Variants in PDS5A observed in about 807,000 individuals in gnomAD.
The protein encoded by PDS5A is PDS5 cohesin associated factor A.
PDS5A carries 42 observed loss-of-function variants against 167.1 expected under a neutral mutation model. The ratio of observed to expected loss-of-function variants is 0.25; its 90% confidence interval spans 0.20 to 0.33. The LOEUF is 0.33. Among genes scored for constraint, PDS5A ranks in the 10% least tolerant of loss-of-function variants. PDS5A has a pLI of 1.00. For synonymous variants in PDS5A, 553 were observed against 554.6 expected, an observed-to-expected ratio of 1.00 and a Z score of 0.04; for missense variants, 1,033 against 1,605.9, an observed-to-expected ratio of 0.64 and a Z score of 6.10.
chr4:39,866,930 T>C lies in PDS5A; in HGVS notation c.2573A>G (p.Asn858Ser), dbSNP rs1030432270. The C allele has an allele frequency of 3.7e-6, 6 of 1,613,058 alleles. No homozygotes were observed. Among genetic ancestry groups the C allele is most frequent in the African/African-American group, 1.3e-5 (1 of 74,932 alleles). The change falls in exon 23 of 33, where the codon AAT becomes AGT. Residue 858 changes from asparagine (N) to serine (S), a missense_variant. Around this residue, in one of 4 missense-constraint regions of PDS5A, gnomAD observed 367 missense variants for 686.7 expected, o/e 0.53. Transcript: ENST00000303538. ...GMKNNQSKSA[N>S]STLRLLSAML... is the part of the protein sequence containing the mutation. ...CGCTGATAATAACCGAAGGGTTGAATTGGCAGATTTAGACTGGTTGTTTTT... is the reference window on the plus strand; with the variant it reads ...CGCTGATAATAACCGAAGGGTTGAACTGGCAGATTTAGACTGGTTGTTTTT...
chr4:39,950,088 G>C (rs563198076), intron 2 of PDS5A, among the ~76,000 whole-genome samples: 1 of 151,888 alleles, frequency 6.6e-6, no homozygotes, highest in Non-Finnish European at 1.5e-5. Context: ...TATGTTTTTA[G>C]TAGAGATGGG....
rs568647727 is a variant in PDS5A at position 39,824,750 on chromosome 4, T to G, written c.*735A>C. On this transcript the variant is annotated 3_prime_UTR_variant, in exon 33 of 33. Coordinates refer to ENST00000303538, the MANE Select transcript of PDS5A (RefSeq NM_001100399.2). ...AACAAACAACAATATGTACATTTATTGCAAATTATATTAAACTAAAATGAG... is the reference window on the plus strand; with the variant it reads ...AACAAACAACAATATGTACATTTATGGCAAATTATATTAAACTAAAATGAG... 1.3e-5 allele frequency: 2 copies of G among 152,796 alleles called. No individual in the cohort carries two copies. Among genetic ancestry groups the G allele is most frequent in the South Asian group, 4.1e-4 (2 of 4,830 alleles). 9.5% of individuals were successfully genotyped at this position (152,796 alleles called of 1,614,324 possible).
At chr4:39,828,851 T>A (rs1440145816) in intron 32 of PDS5A, among the ~76,000 whole-genome samples, 1 of 152,076 alleles carries the variant, frequency 6.6e-6, no homozygotes, top group Non-Finnish European at 1.5e-5. Context: ...CCGAAAATGA[T>A]CATCTAGGAA....
At chr4:39,854,486 C>T (rs541432174) in intron 26 of PDS5A, among the ~76,000 whole-genome samples, 2 of 152,244 alleles carry the variant, frequency 1.3e-5, no homozygotes, top group Admixed American at 6.5e-5. Flanking sequence ...TCCTCCAGGT[C>T]GTTTTCTGAT....
chr4:39,857,351 CAAAA>C (rs1188060445), intron 26 of PDS5A, among the ~76,000 whole-genome samples: 3 of 67,744 alleles, frequency 4.4e-5, no homozygotes, highest in Non-Finnish European at 9.3e-5. Flanking sequence ...GACTCCATCT[CAAAA>C]AAAAAAAAAA....
intron 2 of PDS5A, among the ~76,000 whole-genome samples, chr4:39,968,578 A>G (rs560637293): frequency 2.9e-4 from 44 of 151,596 alleles, no homozygotes; most frequent in African/African-American, 1.0e-3. Flanking sequence ...GATTACAGGC[A>G]TGCGCCACCA....
chr4:39,968,657 C>T (rs571376650), intron 2 of PDS5A, among the ~76,000 whole-genome samples: 83 of 151,726 alleles, frequency 5.5e-4, no homozygotes, highest in African/African-American at 1.9e-3. Context: ...GTCTCGAACT[C>T]CCGACCTCAG....
At chr4:39,923,203 C>A (rs1725151554) in intron 5 of PDS5A, among the ~76,000 whole-genome samples, 1 of 151,524 alleles carries the variant, frequency 6.6e-6, no homozygotes, top group South Asian at 2.1e-4. Context: ...TGGCGGGCAC[C>A]TGGAATTCCA....
chr4:39,839,087 C>A (rs1201505788), intron 31 of PDS5A, among the ~76,000 whole-genome samples: 1 of 152,032 alleles, frequency 6.6e-6, no homozygotes, highest in Non-Finnish European at 1.5e-5. Context: ...TGGCAATATG[C>A]ATTTTTCTAT....
At chr4:39,876,124 AAT>A (rs1463715910) in intron 19 of PDS5A, among the ~76,000 whole-genome samples, 1 of 152,088 alleles carries the variant, frequency 6.6e-6, no homozygotes, top group Non-Finnish European at 1.5e-5. Context: ...TTCCTCTAAG[AAT>A]AGTTTCTTTG....
Position 39,898,467 on chromosome 4 carries a change from G to A in PDS5A, c.1692C>T (p.Gly564=), listed in dbSNP as rs2109644179. Residue 564 remains glycine (G), a synonymous_variant, in exon 16 of 33, where the codon GGC becomes GGT. Coordinates refer to ENST00000303538, the MANE Select transcript of PDS5A (RefSeq NM_001100399.2). ...ACTGAGACCGAAGTTTCTCATCATC[G>A]CCGAGAACCTGGTTAAATTTCTTCA... ...DFVKKFNQVL[G]DDEKLRSQLE... The A allele has an allele frequency of 1.9e-6, 3 of 1,599,714 alleles. No homozygotes were observed. Among genetic ancestry groups the A allele is most frequent in the Middle Eastern group, 3.3e-4 (2 of 6,048 alleles).
Position 39,873,076 on chromosome 4 carries a change from G to A in PDS5A, c.2346C>T (p.His782=). 1 of 1,558,822 alleles carries A rather than the reference G, an allele frequency of 6.4e-7. No individual in the cohort carries two copies. Among genetic ancestry groups the A allele is most frequent in the Non-Finnish European group, 8.8e-7 (1 of 1,142,056 alleles). The part of the protein sequence containing the change: ...QLITPLVSLG[H]ISMLAPDQFA... ...ACTGATCTGGTGCTAACATAGAAAT[G>A]TGGCCCAATGAAACTAATGGAGTTA... The change falls in exon 21 of 33, where the codon CAC becomes CAT. Residue 782 remains histidine, a synonymous_variant. Coordinates refer to ENST00000303538, the MANE Select transcript of PDS5A (RefSeq NM_001100399.2).
chr4:39,955,663 C>T (rs1243802317), intron 2 of PDS5A, among the ~76,000 whole-genome samples: 2 of 151,934 alleles, frequency 1.3e-5, no homozygotes, highest in East Asian at 3.8e-4. Flanking sequence ...GGAGGCATTA[C>T]TGTGGGAGGC....
At chr4:39,890,901 GC>G (rs1721902843) in intron 16 of PDS5A, among the ~76,000 whole-genome samples, 1 of 152,134 alleles carries the variant, frequency 6.6e-6, no homozygotes, top group East Asian at 1.9e-4. Context: ...ACAGGCGTGA[GC>G]CACCACACAC....
intron 16 of PDS5A, among the ~76,000 whole-genome samples, chr4:39,896,942 T>C (rs1293235128): frequency 6.6e-6 from 1 of 151,870 alleles, no homozygotes; most frequent in African/African-American, 2.4e-5. Context: ...GGGATACATG[T>C]GCACAATGTG....
Position 39,929,606 on chromosome 4 carries a change from CGTGTGT to C in PDS5A, c.139-1448_139-1443del, listed in dbSNP as rs58333282. Reference sequence around the variant, plus strand: ...ATCTCCTATACATATCCTATTGGGGCGTGTGTGTGTGTGTGTGTGTGTGTATTCCTG... The same window carrying C: ...ATCTCCTATACATATCCTATTGGGGCGTGTGTGTGTGTGTGTGTATTCCTG... On this transcript the variant is annotated intron_variant, in intron 2 of 32. Transcript: ENST00000303538. 1.2e-3 allele frequency among the ~76,000 whole-genome samples: 157 copies of C among 130,808 alleles called. 1 individual carries two copies. Among genetic ancestry groups the C allele is most frequent in the East Asian group, 5.6e-3 (26 of 4,632 alleles). The allele number at this position is 130,808 out of a possible 152,430, so 85.8% of individuals were successfully genotyped here.
intron 13 of PDS5A, among the ~76,000 whole-genome samples, chr4:39,901,886 C>T (rs1190376431): frequency 6.6e-6 from 1 of 152,026 alleles, no homozygotes; most frequent in Non-Finnish European, 1.5e-5. Context: ...TCCTGGTTGG[C>T]CTGGGACAGT....
chr4:39,925,173 A>C (rs910187203), intron 5 of PDS5A, among the ~76,000 whole-genome samples: 20 of 152,078 alleles, frequency 1.3e-4, no homozygotes, highest in South Asian at 2.1e-4. Context: ...CCCACACACA[A>C]AAAAAACCAA....
chr4:39,929,325 T>C (rs1725748354), intron 2 of PDS5A, among the ~76,000 whole-genome samples: 1 of 151,462 alleles, frequency 6.6e-6, no homozygotes, highest in Non-Finnish European at 1.5e-5. Context: ...CCATCGAATA[T>C]AAAGTAGGCA....
Sources: gnomAD v4.1 joint callset for allele counts (sites outside exome capture counted in the v4.1 genomes callset) on GRCh38, gnomAD v4.1.1 for gene constraint, gnomAD v4.1.1 regional missense constraint, MANE v1.5 for transcripts, NCBI Gene and HGNC (gene_info 2026-07-23, HGNC 2026-07-21) for gene names.